The following KCNQ1 variants were observed in gnomAD, a reference collection of about 807,000 sequenced individuals.
KCNQ1 encodes the protein potassium voltage-gated channel subfamily Q member 1.
In KCNQ1, 49 loss-of-function variants were observed where a neutral mutation model predicts 72.4. The ratio of observed to expected loss-of-function variants is 0.68; its 90% CI spans 0.54 to 0.86. KCNQ1 has a LOEUF of 0.86. KCNQ1 is among the 40% of genes least tolerant of loss of function. The pLI is 0.00. For missense variants in KCNQ1, 790 were observed against 945.1 expected (o/e 0.84, Z 2.15); for synonymous variants, 450 against 412.6 (o/e 1.09, Z -1.10).
At chr11:2,523,751 G>GTTTTTTTTTTTTT (rs59766245) in intron 1 of KCNQ1, among the ~76,000 whole-genome samples, 3 of 115,148 alleles carry the variant, frequency 2.6e-5, no homozygotes, top group African/African-American at 1.0e-4. Context: ...GAAGTTTACA[G>GTTTTTTTTTTTTT]TTTTTTTTTT....
Position 2,663,690 on chromosome 11 carries a change from A to T in KCNQ1, c.1514+1609A>T. 1 of 398,700 alleles carries T rather than the reference A, an allele frequency of 2.5e-6. No individual in the cohort carries two copies. The highest frequency in any genetic ancestry group is 3.6e-5 in the East Asian group (1 of 28,076). The allele number at this position is 398,700 out of a possible 1,614,324, so 24.7% of individuals were successfully genotyped here. On this transcript the variant is annotated intron_variant, in intron 11 of 15. Coordinates refer to ENST00000155840, the MANE Select transcript of KCNQ1 (RefSeq NM_000218.3). The surrounding 1 kb of genome is among the most constrained non-coding windows in gnomAD (Gnocchi z 5.2). ...CCACAGTCCATCTAGCTGGGCAGCC[A>T]GGCCTTACCAACTCTTGGGTCTTGC... is the stretch of plus-strand genomic sequence containing the variant.
intron 11 of KCNQ1, among the ~76,000 whole-genome samples, chr11:2,733,808 A>ACACACACACACACACACACACACACT (rs1564875270): frequency 9.5e-5 from 6 of 63,390 alleles, no homozygotes; most frequent in African/African-American, 3.7e-4. Context: ...ACACACACAC[A>ACACACACACACACACACACACACACT]CACACACTCT....
chr11:2,758,153 C>T (rs1202837859), intron 11 of KCNQ1, among the ~76,000 whole-genome samples: 1 of 152,038 alleles, frequency 6.6e-6, no homozygotes. Context: ...AAAATATGTG[C>T]AAGCCACATA....
At position 2,608,598 on chromosome 11, in the gene KCNQ1, A is replaced by G. The variant is rs1301642593; in HGVS notation, c.1393+19744A>G. 8 of 398,356 alleles carry G rather than the reference A, an allele frequency of 2.0e-5. No individual in the cohort carries two copies. Among genetic ancestry groups the G allele is most frequent in the Non-Finnish European group, 3.1e-5 (7 of 226,062 alleles). The allele number at this position is 398,356 out of a possible 1,614,324, so 24.7% of individuals were successfully genotyped here. A position where few individuals can be genotyped will look rare whatever the true frequency, so the allele number is the denominator to read the frequency against. On this transcript the variant is annotated intron_variant, in intron 10 of 15. Transcript: ENST00000155840. The surrounding 1 kb of genome is among the most constrained non-coding windows in gnomAD (Gnocchi z 4.6). Reference sequence around the variant, plus strand: ...TCAAGTGATCCTTGCCCCTTAGCCTATGACAGGTGTGCACCACAACACCAG... The same window carrying G: ...TCAAGTGATCCTTGCCCCTTAGCCTGTGACAGGTGTGCACCACAACACCAG...
At chr11:2,530,816 T>C (rs1847610013) in intron 2 of KCNQ1, among the ~76,000 whole-genome samples, 1 of 152,158 alleles carries the variant, frequency 6.6e-6, no homozygotes, top group African/African-American at 2.4e-5. Flanking sequence ...CTGTGTTGTG[T>C]GTATTTATGT....
rs1847970614 is a variant in KCNQ1 at position 2,550,703 on chromosome 11, C to T, written c.478-19925C>T. Among the ~76,000 whole-genome samples the T allele has an allele frequency of 6.6e-6, 1 of 152,176 alleles. No homozygotes were observed. Among genetic ancestry groups the T allele is most frequent in the Non-Finnish European group, 1.5e-5 (1 of 68,024 alleles). Reference sequence around the variant, plus strand: ...GTCCCGGCTGATGTAGGGTCAGGGGCTTCTGGAAGGAGCCTCACAGGAAGG... The same window carrying T: ...GTCCCGGCTGATGTAGGGTCAGGGGTTTCTGGAAGGAGCCTCACAGGAAGG... On this transcript the variant is annotated intron_variant, in intron 2 of 15. Transcript: ENST00000155840. The surrounding 1 kb of genome is among the most constrained non-coding windows in gnomAD (Gnocchi z 6.0).
At chr11:2,618,106 GC>G (rs1418208528) in intron 10 of KCNQ1, 3 of 398,332 alleles carry the variant, frequency 7.5e-6, no homozygotes, top group Non-Finnish European at 1.3e-5. Flanking sequence ...CACTGCCAGA[GC>G]CATGTCGAGC....
intron 6 of KCNQ1, among the ~76,000 whole-genome samples, chr11:2,573,926 G>A (rs1234578101): frequency 6.6e-6 from 1 of 152,252 alleles, no homozygotes; most frequent in Admixed American, 6.5e-5. Context: ...TGTGGGCCCA[G>A]CAGCAGTTTC....
At chr11:2,631,427 T>G (rs10832417) in intron 10 of KCNQ1, 131,835 of 390,536 alleles carry the variant, frequency 0.34, 24,240 homozygotes, top group East Asian at 0.64. Flanking sequence ...AAAATGTTTG[T>G]TTTTTTTTTA....
rs1589988645 is a variant in KCNQ1 at position 2,624,999 on chromosome 11, G to T, written c.1393+36145G>T. On this transcript the variant is annotated intron_variant, in intron 10 of 15. Coordinates refer to ENST00000155840, the MANE Select transcript of KCNQ1 (RefSeq NM_000218.3). This position sits in a 1 kb window ranked among gnomAD's most constrained non-coding sequence, Gnocchi z 4.9. The stretch of plus-strand genomic sequence containing the variant: ...TATCCATTCTTCCATGGACATTTGG[G>T]TTGCATTGATGTTTTAACTGTTGTA... 1 of 398,490 alleles carries T rather than the reference G, an allele frequency of 2.5e-6. No individual in the cohort carries two copies. The highest frequency in any genetic ancestry group is 2.1e-5 in the African/African-American group (1 of 48,698). 24.7% of individuals were successfully genotyped at this position (398,490 alleles called of 1,614,324 possible). A position where few individuals can be genotyped will look rare whatever the true frequency, so the allele number is the denominator to read the frequency against.
chr11:2,838,790 C>G (rs1235828932), intron 15 of KCNQ1, among the ~76,000 whole-genome samples: 1 of 152,146 alleles, frequency 6.6e-6, no homozygotes. Flanking sequence ...CGCTGGCTGC[C>G]CGAACAAAGT....
chr11:2,640,791 G>A (rs1214558129), intron 10 of KCNQ1: 2 of 398,334 alleles, frequency 5.0e-6, no homozygotes, highest in Admixed American at 4.4e-5. Context: ...CTAACTAGCT[G>A]TGTATTTTTA....
In KCNQ1 at chr11:2,446,162, C is replaced by A. The variant is rs962544046; in HGVS notation, c.386+678C>A. Among the ~76,000 whole-genome samples, 1 of 152,244 alleles carries A rather than the reference C, an allele frequency of 6.6e-6. No homozygotes were observed. ...CGCTGGTAGCAGAGGCACCTGGCCC[C>A]CCTGTTACCAGGTGGTTCCAATTCC... On this transcript the variant is annotated intron_variant, in intron 1 of 15. Coordinates refer to ENST00000155840, the MANE Select transcript of KCNQ1 (RefSeq NM_000218.3). The surrounding 1 kb of genome is among the most constrained non-coding windows in gnomAD (Gnocchi z 8.8).
In KCNQ1 at chr11:2,450,355, G is replaced by A. The variant is rs776124384; in HGVS notation, c.386+4871G>A. On this transcript the variant is annotated intron_variant, in intron 1 of 15. Coordinates refer to ENST00000155840, the MANE Select transcript of KCNQ1 (RefSeq NM_000218.3). The surrounding 1 kb of genome is among the most constrained non-coding windows in gnomAD (Gnocchi z 7.9). ...GCCAGTGCTGGGAGAGCATGGTGTCGGCCCGGGGAGATGCCGCAGAGAAGC... is the reference window on the plus strand; with the variant it reads ...GCCAGTGCTGGGAGAGCATGGTGTCAGCCCGGGGAGATGCCGCAGAGAAGC... 3.9e-5 allele frequency among the ~76,000 whole-genome samples: 6 copies of A among 152,172 alleles called. No homozygotes were observed. The highest frequency in any genetic ancestry group is 2.0e-4 in the Admixed American group (3 of 15,274).
chr11:2,606,744 G>A (rs1848886222), intron 10 of KCNQ1, among the ~76,000 whole-genome samples: 1 of 152,020 alleles, frequency 6.6e-6, no homozygotes, highest in Admixed American at 6.6e-5. Context: ...CTTTCTTTCA[G>A]TCTGGATTCT....
At position 2,562,884 on chromosome 11, in the gene KCNQ1, C is replaced by T. The variant is rs1848195160; in HGVS notation, c.478-7744C>T. On this transcript the variant is annotated intron_variant, in intron 2 of 15. Transcript: ENST00000155840. This position sits in a 1 kb window ranked among gnomAD's most constrained non-coding sequence, Gnocchi z 7.5. ...TTCCGCCGTCTTTAAAATTAATTTT[C>T]CTTTAAAGATACTGTAGAGCAGTAA... is the stretch of plus-strand genomic sequence containing the variant. Among the ~76,000 whole-genome samples the T allele has an allele frequency of 6.6e-6, 1 of 152,122 alleles. No individual in the cohort carries two copies. Among genetic ancestry groups the T allele is most frequent in the Non-Finnish European group, 1.5e-5 (1 of 68,032 alleles).
rs939705892 is a variant in KCNQ1 at position 2,720,621 on chromosome 11, C to T, written c.1515-48223C>T. Among the ~76,000 whole-genome samples, 1 of 152,140 alleles carries T rather than the reference C, an allele frequency of 6.6e-6. No individual in the cohort carries two copies. The highest frequency in any genetic ancestry group is 1.5e-5 in the Non-Finnish European group (1 of 68,016). ...AGTGTCCTATGTTGGGGGTGTCAGC[C>T]TGGGTGTCAAGGCTGAAGAGGGGAG... On this transcript the variant is annotated intron_variant, in intron 11 of 15. Coordinates refer to ENST00000155840, the MANE Select transcript of KCNQ1 (RefSeq NM_000218.3). This position sits in a 1 kb window ranked among gnomAD's most constrained non-coding sequence, Gnocchi z 5.1.
intron 1 of KCNQ1, among the ~76,000 whole-genome samples, chr11:2,459,931 G>A (rs1386662663): frequency 6.6e-6 from 1 of 152,082 alleles, no homozygotes; most frequent in Non-Finnish European, 1.5e-5. Flanking sequence ...GAAAAGGTGT[G>A]TGGTTTCGCA....
chr11:2,680,984 T>C (rs978870484), intron 11 of KCNQ1: 4 of 398,444 alleles, frequency 1.0e-5, no homozygotes, highest in East Asian at 3.6e-5. Context: ...CTGACCATCA[T>C]AGGTGAAATA....
Sources: gnomAD v4.1 joint callset for allele counts (sites outside exome capture counted in the v4.1 genomes callset) on GRCh38, gnomAD v4.1.1 for gene constraint, Gnocchi (gnomAD v3.1) non-coding constraint, MANE v1.5 for transcripts, NCBI Gene and HGNC (gene_info 2026-07-23, HGNC 2026-07-21) for gene names.